Variants in PDE4D observed in about 807,000 individuals in gnomAD.
The protein encoded by PDE4D is phosphodiesterase 4D.
In PDE4D, 24 loss-of-function variants were observed where a neutral mutation model predicts 87.4. The ratio of observed to expected loss-of-function variants is 0.27; its 90% CI spans 0.20 to 0.39. The LOEUF is 0.39. PDE4D is among the 10% of genes least tolerant of loss of function. PDE4D has a pLI of 1.00. For synonymous variants in PDE4D, 384 were observed against 383.2 expected, an observed-to-expected ratio of 1.00 and a Z score of -0.02; for missense variants, 714 against 1,041.0, an observed-to-expected ratio of 0.69 and a Z score of 4.32.
intron 2 of PDE4D, among the ~76,000 whole-genome samples, chr5:59,200,100 CAT>C (rs1361251610): frequency 2.1e-5 from 3 of 144,202 alleles, no homozygotes; most frequent in African/African-American, 8.5e-5. Flanking sequence ...TGTAGACATA[CAT>C]GTATGCACAC....
intron 1 of PDE4D, among the ~76,000 whole-genome samples, chr5:60,323,760 T>G (rs899061530): frequency 6.6e-6 from 1 of 151,686 alleles, no homozygotes; most frequent in Admixed American, 6.5e-5. Context: ...ATTACCACCC[T>G]CCACCCCCCA....
At chr5:59,812,725 A>C (rs900705006) in intron 1 of PDE4D, among the ~76,000 whole-genome samples, 8 of 152,186 alleles carry the variant, frequency 5.3e-5, no homozygotes, top group Non-Finnish European at 1.2e-4. Context: ...AAGTGAGATA[A>C]AACTAAATCC....
chr5:60,223,815 T>G (rs1744773805), intron 1 of PDE4D, among the ~76,000 whole-genome samples: 1 of 152,166 alleles, frequency 6.6e-6, no homozygotes, highest in South Asian at 2.1e-4. Context: ...TTTCTATTAC[T>G]ATTCTTAATT....
intron 5 of PDE4D, among the ~76,000 whole-genome samples, chr5:59,143,951 A>C (rs1328298928): frequency 6.6e-6 from 1 of 152,210 alleles, no homozygotes; most frequent in Non-Finnish European, 1.5e-5. Context: ...TGTGCAATTG[A>C]AGCTGGCTAT....
intron 1 of PDE4D, among the ~76,000 whole-genome samples, chr5:60,251,918 T>C (rs1032560105): frequency 1.3e-5 from 2 of 151,972 alleles, no homozygotes; most frequent in Non-Finnish European, 2.9e-5. Context: ...GTAAGTGTCC[T>C]ATACAGAGGT....
chr5:59,925,475 G>A (rs34918713), intron 3 of PDE4D, among the ~76,000 whole-genome samples: 20,404 of 152,012 alleles, frequency 0.13, 1,603 homozygotes, highest in African/African-American at 0.22. Flanking sequence ...AGAAAACAAA[G>A]CAACCAGAAA....
chr5:59,999,804 C>T (rs1483561887), intron 2 of PDE4D, among the ~76,000 whole-genome samples: 9 of 151,770 alleles, frequency 5.9e-5, no homozygotes, highest in Non-Finnish European at 1.5e-5. Flanking sequence ...TAAAGAAGTT[C>T]AATGTGCTAG....
At chr5:59,765,511 C>A (rs1260672577) in intron 1 of PDE4D, among the ~76,000 whole-genome samples, 1 of 152,192 alleles carries the variant, frequency 6.6e-6, no homozygotes, top group Non-Finnish European at 1.5e-5. Flanking sequence ...TTCCCAGCCT[C>A]CTTTGCAGTT....
chr5:60,506,965 A>C (rs1750352738), intron 1 of PDE4D, among the ~76,000 whole-genome samples: 1 of 152,270 alleles, frequency 6.6e-6, no homozygotes, highest in Non-Finnish European at 1.5e-5. Flanking sequence ...CTATTAGCAA[A>C]AGATAACCTC....
At chr5:59,964,540 G>T (rs1759800755) in intron 3 of PDE4D, among the ~76,000 whole-genome samples, 1 of 152,036 alleles carries the variant, frequency 6.6e-6, no homozygotes, top group African/African-American at 2.4e-5. Flanking sequence ...TCTCTACTCA[G>T]TCTTTACATA....
chr5:59,480,285 A>T (rs1804026556), intron 1 of PDE4D, among the ~76,000 whole-genome samples: 1 of 152,146 alleles, frequency 6.6e-6, no homozygotes, highest in Non-Finnish European at 1.5e-5. Context: ...GAATAAATGT[A>T]ACATTAGAAT....
intron 1 of PDE4D, among the ~76,000 whole-genome samples, chr5:60,304,368 G>A (rs568922321): frequency 9.9e-5 from 15 of 152,100 alleles, no homozygotes; most frequent in African/African-American, 3.4e-4. Flanking sequence ...GAGAAGGGCC[G>A]GGCGCGGTGG....
chr5:59,430,451 T>C, intron 1 of PDE4D: 5 of 1,230,218 alleles, frequency 4.1e-6, no homozygotes, highest in Non-Finnish European at 5.1e-6. Flanking sequence ...AAAGCAAATC[T>C]GAGTAGTCAG....
intron 5 of PDE4D, among the ~76,000 whole-genome samples, chr5:59,071,683 C>CTTTTTTTTTTTTTTTTTTTTTTTT (rs10701223): frequency 1.2e-5 from 1 of 82,406 alleles, no homozygotes; most frequent in Non-Finnish European, 2.1e-5. Flanking sequence ...TATTTCTCTT[C>CTTTTTTTTTTTTTTTTTTTTTTTT]TTTTTTTTTT....
In PDE4D at chr5:59,094,614, AAAG is replaced by A. The variant is rs540788938; in HGVS notation, c.809-55646_809-55644del. 1.2e-4 allele frequency among the ~76,000 whole-genome samples: 19 copies of A among 152,314 alleles called. 1 individual carries two copies. The highest frequency in any genetic ancestry group is 1.2e-3 in the Admixed American group (19 of 15,302). On this transcript the variant is annotated intron_variant, in intron 5 of 14. Coordinates refer to ENST00000340635, the MANE Select transcript of PDE4D (RefSeq NM_001104631.2). ...TGAAATGTGGGAACTTCAGTAAAGA[AAAG>A]AAGGTCACAAAAATTTCTACACAGA... is the stretch of plus-strand genomic sequence containing the variant.
intron 1 of PDE4D, among the ~76,000 whole-genome samples, chr5:59,746,452 C>T (rs1309045234): frequency 2.0e-5 from 3 of 152,046 alleles, no homozygotes; most frequent in African/African-American, 7.2e-5. Context: ...ATTAAATAGA[C>T]CAAAGAAACC....
intron 1 of PDE4D, among the ~76,000 whole-genome samples, chr5:59,611,710 C>T (rs917881389): frequency 4.6e-5 from 7 of 152,148 alleles, no homozygotes; most frequent in African/African-American, 7.2e-5. Flanking sequence ...GATTACTTAG[C>T]TTATTGTCCC....
rs115482828 is a variant in PDE4D at position 60,041,509 on chromosome 5, G to C, written c.43-52792C>G. ...ATAAGTGAATTACAGTGGCTGGCTG[G>C]CAAGATGGCCGAATAGGAACAGCTC... On this transcript the variant is annotated intron_variant, in intron 2 of 16. Transcript: ENST00000502484. Among the ~76,000 whole-genome samples, 969 of 152,278 alleles carry C rather than the reference G, an allele frequency of 6.4e-3. 16 individuals carry two copies. Among genetic ancestry groups the C allele is most frequent in the East Asian group, 0.045 (234 of 5,178 alleles).
intron 5 of PDE4D, among the ~76,000 whole-genome samples, chr5:59,175,545 G>A (rs1251427731): frequency 1.6e-5 from 2 of 125,964 alleles, no homozygotes; most frequent in Non-Finnish European, 3.1e-5. Flanking sequence ...GCAGTGGCCT[G>A]ATCTCGGCTC....
Sources: allele counts gnomAD v4.1 joint callset (sites outside exome capture counted in the v4.1 genomes callset), GRCh38; gene constraint gnomAD v4.1.1; transcripts MANE v1.5; gene names NCBI Gene and HGNC (gene_info 2026-07-23, HGNC 2026-07-21).